Variants in NPR3 observed in about 807,000 individuals in gnomAD.
NPR3 encodes the protein atrial natriuretic peptide receptor 3.
In NPR3, 34 loss-of-function variants were observed where a neutral mutation model predicts 54.5. The ratio of observed to expected loss-of-function variants is 0.62; its 90% CI spans 0.47 to 0.83. The LOEUF is 0.83. NPR3 is among the 40% of genes least tolerant of loss of function. The probability of loss-of-function intolerance (pLI) is 0.00; values close to 1 mark genes in which losing one functional copy is unlikely to be tolerated. For missense variants in NPR3, 674 were observed against 720.8 expected, an observed-to-expected ratio of 0.94 and a Z score of 0.74; for synonymous variants, 289 against 297.1, an observed-to-expected ratio of 0.97 and a Z score of 0.28.
At chr5:32,709,113 G>A (rs764124), upstream of NPR3, among the ~76,000 whole-genome samples, 30,054 of 151,928 alleles carry the variant, frequency 0.2, 3,237 homozygotes, top group Middle Eastern at 0.31. Context: ...GTAGCATCTG[G>A]GATGGGACAG....
At position 32,722,041 on chromosome 5, in the gene NPR3, A is replaced by G. The variant is rs1200236144; in HGVS notation, c.770-2657A>G. Reference sequence around the variant, plus strand: ...GGCCCCATCTCCAAATACCACCAACAAATGATTTTGAGCATTAAGTTTTCA... The same window carrying G: ...GGCCCCATCTCCAAATACCACCAACGAATGATTTTGAGCATTAAGTTTTCA... On this transcript the variant is annotated intron_variant, in intron 1 of 7. Coordinates refer to ENST00000265074, the MANE Select transcript of NPR3 (RefSeq NM_001204375.2). 5.9e-5 allele frequency among the ~76,000 whole-genome samples: 9 copies of G among 152,202 alleles called. No homozygotes were observed. The East Asian group carries it at 1.2e-3, about 20-fold the overall frequency.
intron 1 of NPR3, among the ~76,000 whole-genome samples, chr5:32,696,851 C>T (rs1219412467): frequency 6.6e-6 from 1 of 152,084 alleles, no homozygotes; most frequent in Non-Finnish European, 1.5e-5. Flanking sequence ...GATTTTGTAT[C>T]TTGTAACTTT....
Position 32,753,080 on chromosome 5 carries a change from G to A in NPR3, c.1059+14050G>A, listed in dbSNP as rs61387955. On this transcript the variant is annotated intron_variant, in intron 3 of 7. Coordinates refer to ENST00000265074, the MANE Select transcript of NPR3 (RefSeq NM_001204375.2). ...TATTAATTTCAAAAATACTATTGAA[G>A]TGGTACAATCTGAAAATGTGAAGAG... Among the ~76,000 whole-genome samples, 337 of 152,284 alleles carry A rather than the reference G, an allele frequency of 2.2e-3. 3 individuals carry two copies. The highest frequency in any genetic ancestry group is 7.9e-3 in the African/African-American group (328 of 41,576).
Position 32,768,520 on chromosome 5 carries a change from C to A in NPR3, c.1060-6188C>A, listed in dbSNP as rs151306788. 6.8e-3 allele frequency among the ~76,000 whole-genome samples: 1,032 copies of A among 152,256 alleles called. 9 individuals are homozygous for A. Among genetic ancestry groups the A allele is most frequent in the South Asian group, 0.031 (151 of 4,822 alleles). ...CTACAGAGATCTCCTTGTTGCTTCCCATGAACAAGACCAGCTTTCCTTGCT... is the reference window on the plus strand; with the variant it reads ...CTACAGAGATCTCCTTGTTGCTTCCAATGAACAAGACCAGCTTTCCTTGCT... On this transcript the variant is annotated intron_variant, in intron 3 of 7. Transcript: ENST00000265074.
At chr5:32,766,251 G>A (rs1254149987) in intron 3 of NPR3, among the ~76,000 whole-genome samples, 2 of 152,198 alleles carry the variant, frequency 1.3e-5, no homozygotes, top group Non-Finnish European at 2.9e-5. Flanking sequence ...GGGACCAGCA[G>A]CCAAGGGGAG....
upstream of NPR3, among the ~76,000 whole-genome samples, chr5:32,705,237 C>A (rs1737955271): frequency 6.6e-6 from 1 of 152,180 alleles, no homozygotes; most frequent in South Asian, 2.1e-4. Context: ...ATAACTCATT[C>A]TGAGAAAGGA....
In NPR3 at chr5:32,789,887, T is replaced by C. The variant is rs1742823460; in HGVS notation, c.*3542T>C. 2.4e-6 allele frequency: 1 copy of C among 418,436 alleles called. No homozygotes were observed. Among genetic ancestry groups the C allele is most frequent in the Non-Finnish European group, 4.9e-6 (1 of 205,284 alleles). 25.9% of individuals were successfully genotyped at this position (418,436 alleles called of 1,614,324 possible). A position where few individuals can be genotyped will look rare whatever the true frequency, so the allele number is the denominator to read the frequency against. ...CTTTGGGAGATCAAATAGAGTATTA[T>C]GCCACTGTGAGTGTTTATAAACTGG... On this transcript the variant is annotated 3_prime_UTR_variant, in exon 8 of 8. Transcript: ENST00000265074.
Position 32,789,497 on chromosome 5 carries a change from T to C in NPR3, c.*3152T>C, listed in dbSNP as rs765260477. 4 of 534,576 alleles carry C rather than the reference T, an allele frequency of 7.5e-6. No homozygotes were observed. The highest frequency in any genetic ancestry group is 1.5e-5 in the Non-Finnish European group (4 of 260,094). The allele number at this position is 534,576 out of a possible 1,614,324, so 33.1% of individuals were successfully genotyped here. The stretch of plus-strand genomic sequence containing the variant: ...ATGGTTCTACAGACCCTACTATAAT[T>C]CTTCACATTTCAGAACCCATGTTTA... On this transcript the variant is annotated 3_prime_UTR_variant, in exon 8 of 8. Transcript: ENST00000265074.
At chr5:32,704,547 T>C (rs1737935811), upstream of NPR3, among the ~76,000 whole-genome samples, 1 of 152,160 alleles carries the variant, frequency 6.6e-6, no homozygotes, top group Admixed American at 6.5e-5. Context: ...TAAGTGATAA[T>C]GCGCAGACAT....
chr5:32,718,669 G>T (rs1738683283), intron 1 of NPR3, among the ~76,000 whole-genome samples: 1 of 152,142 alleles, frequency 6.6e-6, no homozygotes, highest in African/African-American at 2.4e-5. Context: ...TGTTGTATAG[G>T]AATGCTTGTG....
chr5:32,782,529 G>A (rs1487454457), intron 5 of NPR3, among the ~76,000 whole-genome samples: 2 of 152,188 alleles, frequency 1.3e-5, no homozygotes, highest in Admixed American at 1.3e-4. Context: ...AGCACTGACA[G>A]GGCTGGGCCT....
intron 3 of NPR3, among the ~76,000 whole-genome samples, chr5:32,762,701 G>A (rs1412174784): frequency 6.6e-6 from 1 of 151,814 alleles, no homozygotes; most frequent in East Asian, 1.9e-4. Context: ...TTGTAAATTT[G>A]TTTACGTTCT....
intron 3 of NPR3, among the ~76,000 whole-genome samples, chr5:32,751,677 G>A (rs1458006599): frequency 6.6e-6 from 1 of 152,100 alleles, no homozygotes; most frequent in Admixed American, 6.6e-5. Context: ...TAGGGGGGTG[G>A]GATGTGTGTT....
chr5:32,694,713 T>C (rs1471496229), intron 1 of NPR3, among the ~76,000 whole-genome samples: 1 of 152,230 alleles, frequency 6.6e-6, no homozygotes, highest in African/African-American at 2.4e-5. Context: ...AATCCAATTA[T>C]ACTGTTTTAG....
In NPR3 at chr5:32,693,948, G is replaced by T. The variant is rs1283867435; in HGVS notation, c.100+4762G>T. On this transcript the variant is annotated intron_variant, in intron 1 of 5. Transcript: ENST00000509104. ...CTTCCGGCTCTCCTTCGTCCTCAAA[G>T]TCCTGCCCCTTGCATAGCCACTTTT... Among the ~76,000 whole-genome samples, 6 of 152,162 alleles carry T rather than the reference G, an allele frequency of 3.9e-5. No homozygotes were observed. The South Asian group carries it at 8.3e-4, about 21-fold the overall frequency.
At chr5:32,699,713 A>T (rs1216895312) in intron 1 of NPR3, among the ~76,000 whole-genome samples, 1 of 152,244 alleles carries the variant, frequency 6.6e-6, no homozygotes, top group Non-Finnish European at 1.5e-5. Flanking sequence ...ACTCGACATG[A>T]GTAGTTTACA....
At position 32,739,038 on chromosome 5, in the gene NPR3, C is replaced by T. The variant is rs750628797; in HGVS notation, c.1059+8C>T. On this transcript the variant is annotated splice_region_variant and intron_variant, in intron 3 of 7. Coordinates refer to ENST00000265074, the MANE Select transcript of NPR3 (RefSeq NM_001204375.2). Reference sequence around the variant, plus strand: ...CTCAATATGGAGGATTACGTAAGTGCCTGATTATGAGCCTAGACCTTTAGC... The same window carrying T: ...CTCAATATGGAGGATTACGTAAGTGTCTGATTATGAGCCTAGACCTTTAGC... 3 of 1,612,728 alleles carry T rather than the reference C, an allele frequency of 1.9e-6. No individual in the cohort carries two copies. The highest frequency in any genetic ancestry group is 1.1e-5 in the South Asian group (1 of 90,884).
chr5:32,764,602 A>G (rs938630753), intron 3 of NPR3, among the ~76,000 whole-genome samples: 12 of 151,850 alleles, frequency 7.9e-5, no homozygotes, highest in African/African-American at 2.7e-4. Flanking sequence ...AGCCTGGCCA[A>G]CATCGTGAAA....
intron 4 of NPR3, among the ~76,000 whole-genome samples, chr5:32,779,132 C>T (rs1190677016): frequency 6.6e-6 from 1 of 152,188 alleles, no homozygotes; most frequent in Non-Finnish European, 1.5e-5. Context: ...AGTAAACCCA[C>T]ATACATGCCC....
Sources: gnomAD v4.1 joint callset for allele counts (sites outside exome capture counted in the v4.1 genomes callset) on GRCh38, gnomAD v4.1.1 for gene constraint, MANE v1.5 for transcripts, NCBI Gene and HGNC (gene_info 2026-07-23, HGNC 2026-07-21) for gene names.